The following ABR variants were observed in gnomAD, a reference collection of about 807,000 sequenced individuals.
The protein encoded by ABR is active breakpoint cluster region-related protein.
Under a neutral mutation model 107.2 loss-of-function variants are expected in ABR, and 35 were observed. That is an observed-to-expected ratio of 0.33 (90% CI 0.25 to 0.43). The LOEUF (loss-of-function observed/expected upper bound fraction) is 0.43. ABR is among the 20% of genes least tolerant of loss of function. The pLI, the probability that ABR is intolerant of heterozygous loss-of-function variation, is 1.00. For synonymous variants in ABR, 498 were observed against 462.0 expected (o/e 1.08, Z -1.00); for missense variants, 815 against 1,115.2 (o/e 0.73, Z 3.83).
chr17:1,191,557 T>C (rs1297472808), upstream of ABR, among the ~76,000 whole-genome samples: 5 of 151,954 alleles, frequency 3.3e-5, no homozygotes, highest in African/African-American at 1.2e-4. Context: ...GGTTTCTCCA[T>C]GTTGGTCAGG....
At chr17:1,034,617 G>A (rs1275559078) in intron 16 of ABR, among the ~76,000 whole-genome samples, 1 of 152,130 alleles carries the variant, frequency 6.6e-6, no homozygotes, top group Non-Finnish European at 1.5e-5. Flanking sequence ...TGTAGGGAAA[G>A]GCCATCCACC....
At chr17:1,038,309 GAGAGAT>G (rs2073351163) in intron 16 of ABR, among the ~76,000 whole-genome samples, 1 of 152,230 alleles carries the variant, frequency 6.6e-6, no homozygotes, top group Admixed American at 6.5e-5. Flanking sequence ...GTGGGGGTCT[GAGAGAT>G]TAGGGGCTTT....
rs543597559 is a variant in ABR, at chr17:1,200,211, G to A, written c.838+28582C>T. Among the ~76,000 whole-genome samples, 1 of 152,160 alleles carries A rather than the reference G, an allele frequency of 6.6e-6. No individual in the cohort carries two copies. Among genetic ancestry groups the A allele is most frequent in the Admixed American group, 6.5e-5 (1 of 15,274 alleles). On this transcript the variant is annotated intron_variant, in intron 1 of 22. Coordinates refer to the ABR transcript ENST00000574139. The surrounding 1 kb of genome is among the most constrained non-coding windows in gnomAD (Gnocchi z 4.1). ...ACAGCATAACAACCACATAGCATTT[G>A]CAATGTATTAGGTATTAAAAATAAC...
chr17:1,228,990 T>G (rs1289327236), exon 1 of ABR: 1 of 151,286 alleles, frequency 6.6e-6, no homozygotes, highest in Non-Finnish European at 1.5e-5. Flanking sequence ...GGCCTCCCGC[T>G]GCTCCAGGTC....
chr17:1,068,985 A>G (rs1166924698), intron 9 of ABR, among the ~76,000 whole-genome samples: 8 of 152,254 alleles, frequency 5.3e-5, no homozygotes, highest in Admixed American at 3.9e-4. Flanking sequence ...GTGAATATTC[A>G]CAGCACTGCA....
intron 10 of ABR, among the ~76,000 whole-genome samples, chr17:1,064,012 T>G (rs2034374038): frequency 6.9e-6 from 1 of 144,648 alleles, no homozygotes; most frequent in African/African-American, 2.5e-5. Flanking sequence ...GTTATGCATG[T>G]TCCTCTAGAC....
chr17:1,012,751 A>T lies in ABR; in HGVS notation c.1898T>A (p.Leu633Gln). 6.3e-7 allele frequency: 1 copy of T among 1,598,792 alleles called. No homozygotes were observed. The highest frequency in any genetic ancestry group is 8.5e-7 in the Non-Finnish European group (1 of 1,172,080). ...SMKFTSRDMS[L>Q]KRTPSKKQTG... is the part of the protein sequence containing the mutation. ...CTGCTTTTTGGACGGGGTCCTCTTC[A>T]GGCTCATATCTCGGCTGGTGAATTT... is the stretch of plus-strand genomic sequence containing the variant. Residue 633 changes from leucine to glutamine, a missense_variant, in exon 18 of 23, where the codon CTG becomes CAG. Around this residue, in one of 5 missense-constraint regions of ABR, gnomAD observed 92 missense variants for 82.3 expected, o/e 1.12. Coordinates refer to ENST00000302538, the MANE Select transcript of ABR (RefSeq NM_021962.5).
At chr17:1,048,080 C>G (rs2031904998) in intron 16 of ABR, among the ~76,000 whole-genome samples, 1 of 152,228 alleles carries the variant, frequency 6.6e-6, no homozygotes, top group African/African-American at 2.4e-5. Flanking sequence ...GCCTGTCCCT[C>G]TAGCCCAGCC....
chr17:1,057,524 CCCA>C (rs1280717679), intron 12 of ABR, among the ~76,000 whole-genome samples: 1 of 151,894 alleles, frequency 6.6e-6, no homozygotes, highest in Non-Finnish European at 1.5e-5. Flanking sequence ...ATTACAGGTG[CCCA>C]CCACCACACC....
chr17:1,068,926 C>T (rs1016926563), intron 9 of ABR, among the ~76,000 whole-genome samples: 7 of 152,212 alleles, frequency 4.6e-5, no homozygotes, highest in East Asian at 1.9e-4. Flanking sequence ...GCATGTGTCA[C>T]GGCACCTGGC....
At chr17:1,153,912 A>G (rs2040933283) in intron 1 of ABR, 2 of 186,060 alleles carry the variant, frequency 1.1e-5, no homozygotes, top group South Asian at 1.7e-4. Flanking sequence ...CACTGGTTTG[A>G]AGCCTGGTGG....
At chr17:1,142,549 C>T (rs2040328521) in intron 1 of ABR, among the ~76,000 whole-genome samples, 2 of 150,810 alleles carry the variant, frequency 1.3e-5, no homozygotes, top group Admixed American at 1.3e-4. Context: ...CACACCATTG[C>T]ACTCCAGCCT....
At chr17:1,220,570 G>C (rs1193466251) in intron 1 of ABR, among the ~76,000 whole-genome samples, 1 of 152,102 alleles carries the variant, frequency 6.6e-6, no homozygotes, top group Non-Finnish European at 1.5e-5. Flanking sequence ...ATTCTAGTAT[G>C]GTATACAGAG....
chr17:1,090,244 G>C (rs775657120), intron 4 of ABR, among the ~76,000 whole-genome samples: 6 of 152,230 alleles, frequency 3.9e-5, no homozygotes, highest in Non-Finnish European at 8.8e-5. Flanking sequence ...GAGGTGCGGG[G>C]AGGAAGCTGC....
At chr17:1,022,207 T>G (rs2071744338) in intron 16 of ABR, among the ~76,000 whole-genome samples, 1 of 151,772 alleles carries the variant, frequency 6.6e-6, no homozygotes, top group Non-Finnish European at 1.5e-5. Context: ...TGTGGGCACA[T>G]TTCACGCCTG....
intron 2 of ABR, among the ~76,000 whole-genome samples, chr17:1,116,997 T>C (rs1281178325): frequency 2.0e-5 from 3 of 152,160 alleles, no homozygotes; most frequent in Non-Finnish European, 4.4e-5. Flanking sequence ...CTGGCTGCCA[T>C]GCCGCCTCTT....
intron 22 of ABR, 128 bp from the exon 23 acceptor site, chr17:1,006,297 GGT>G: frequency 1.2e-6 from 1 of 858,732 alleles, no homozygotes. Flanking sequence ...GGGGAGCCCA[GGT>G]GTGTTTGCCT....
intron 3 of ABR, among the ~76,000 whole-genome samples, chr17:1,099,452 G>A (rs1438915770): frequency 6.6e-6 from 1 of 152,254 alleles, no homozygotes; most frequent in South Asian, 2.1e-4. Context: ...GCATCTCAGG[G>A]TTGACGTGTG....
At position 1,034,474 on chromosome 17, in the gene ABR, G is replaced by A. The variant is rs887829624; in HGVS notation, c.1791+15576C>T. 3.9e-5 allele frequency among the ~76,000 whole-genome samples: 6 copies of A among 152,276 alleles called. 1 individual carries two copies. The South Asian group carries it at 6.2e-4, about 16-fold the overall frequency. Reference sequence around the variant, plus strand: ...CACCACGCCCAGATGGACAAAACCCGCACAAAATCCCATATTACGGCCTCA... The same window carrying A: ...CACCACGCCCAGATGGACAAAACCCACACAAAATCCCATATTACGGCCTCA... On this transcript the variant is annotated intron_variant, in intron 16 of 22. Transcript: ENST00000302538.
Sources: allele counts gnomAD v4.1 joint callset (sites outside exome capture counted in the v4.1 genomes callset), GRCh38; gene constraint gnomAD v4.1.1; regional missense constraint gnomAD v4.1.1; non-coding constraint Gnocchi (gnomAD v3.1); transcripts MANE v1.5; gene names NCBI Gene and HGNC (gene_info 2026-07-23, HGNC 2026-07-21).